Variants in MAST1 observed in about 807,000 individuals in gnomAD.
MAST1 encodes microtubule-associated serine/threonine-protein kinase 1.
Under a neutral mutation model 124.6 loss-of-function variants are expected in MAST1, and 40 were observed. That is an observed-to-expected ratio of 0.32 (90% CI 0.25 to 0.42). The LOEUF (loss-of-function observed/expected upper bound fraction) is 0.42, where lower values mean the gene tolerates loss of function less well. Ranked by LOEUF, MAST1 falls within the 10% of genes least tolerant of loss-of-function variation. The pLI, the probability that MAST1 is intolerant of heterozygous loss-of-function variation, is 1.00. For synonymous variants in MAST1, 938 were observed against 939.4 expected (o/e 1.00, Z 0.03); for missense variants, 1,558 against 2,181.9 (o/e 0.71, Z 5.70).
Position 12,843,472 on chromosome 19 carries a change from AG to A in MAST1, c.249-55del. On this transcript the variant is annotated intron_variant, in intron 3 of 25. Transcript: ENST00000251472. The surrounding 1 kb of genome is among the most constrained non-coding windows in gnomAD (Gnocchi z 4.9). ...GGCCAGTGGCTTCACCCACACCCTGAGGAGTTGGGGGACCGCTGGGGCCTTG... is the reference window on the plus strand; with the variant it reads ...GGCCAGTGGCTTCACCCACACCCTGAGAGTTGGGGGACCGCTGGGGCCTTG... The A allele has an allele frequency of 7.1e-7, 1 of 1,400,746 alleles. No homozygotes were observed. The highest frequency in any genetic ancestry group is 1.0e-6 in the Non-Finnish European group (1 of 993,138). 86.8% of individuals were successfully genotyped at this position (1,400,746 alleles called of 1,614,324 possible).
In MAST1 at chr19:12,873,747, A is replaced by C; in HGVS notation, c.3590A>C (p.Lys1197Thr). The change falls in exon 26 of 26, where the codon AAG becomes ACG. Residue 1197 changes from lysine (K) to threonine (T), a missense_variant. Physicochemically the swap from Lys to Thr is moderately conservative, Grantham distance 78 (BLOSUM62 -1). Transcript: ENST00000251472. ...CGCCAGTACCGCTCTGCGCGATGCAAGTCGGCCGGCAACATCCCTCTATCG... is the reference window on the plus strand; with the variant it reads ...CGCCAGTACCGCTCTGCGCGATGCACGTCGGCCGGCAACATCCCTCTATCG... ...LHRQYRSARC[K>T]SAGNIPLSPL... The C allele has an allele frequency of 6.2e-7, 1 of 1,601,920 alleles. No individual in the cohort carries two copies. The highest frequency in any genetic ancestry group is 8.5e-7 in the Non-Finnish European group (1 of 1,179,290).
In MAST1 at chr19:12,874,332, A is replaced by T; in HGVS notation, c.4175A>T (p.Gln1392Leu). ...CGGGACGTCGGCTGCACGCGGCATC[A>T]GAGCGTGCAGACGGAGGATGGCACT... ...LERDVGCTRH[Q>L]SVQTEDGTGG... The change falls in exon 26 of 26, where the codon CAG becomes CTG. Residue 1392 changes from glutamine to leucine, a missense_variant. This residue lies in a region of MAST1 where 263 missense variants were observed against 310.9 expected (regional missense o/e 0.85). Coordinates refer to ENST00000251472, the MANE Select transcript of MAST1 (RefSeq NM_014975.3). The surrounding 1 kb of genome is among the most constrained non-coding windows in gnomAD (Gnocchi z 6.6). The T allele has an allele frequency of 6.3e-7, 1 of 1,596,518 alleles. No individual in the cohort carries two copies.
At chr19:12,840,661 G>T in intron 2 of MAST1, 127 bp downstream of exon 2, 1 of 720,852 alleles carries the variant, frequency 1.4e-6, no homozygotes, top group Non-Finnish European at 2.5e-6. Flanking sequence ...TTTGGATAAG[G>T]GGCGGGGCCA....
At chr19:12,849,626 T>C (rs1297818355) in intron 7 of MAST1, among the ~76,000 whole-genome samples, 5 of 151,512 alleles carry the variant, frequency 3.3e-5, no homozygotes, top group African/African-American at 1.2e-4. Flanking sequence ...GTTGCGCCAC[T>C]GCACTCCAGC....
Position 12,871,044 on chromosome 19 carries a change from C to T in MAST1, c.3135C>T (p.Asn1045=). 1.2e-6 allele frequency: 2 copies of T among 1,614,188 alleles called. No homozygotes were observed. Among genetic ancestry groups the T allele is most frequent in the South Asian group, 1.1e-5 (1 of 91,088 alleles). Residue 1045 remains asparagine (N), a synonymous_variant, in exon 24 of 26, where the codon AAC becomes AAT. Transcript: ENST00000251472. ...EVVELILKSG[N]KVAVTTTPFE... ...CCGCATTCTTCCCCCAGAGTGGCAACAAGGTAGCAGTGACCACAACGCCCT... is the reference window on the plus strand; with the variant it reads ...CCGCATTCTTCCCCCAGAGTGGCAATAAGGTAGCAGTGACCACAACGCCCT...
In MAST1 at chr19:12,841,263, C is replaced by A. The variant is rs1020120449; in HGVS notation, c.248+197C>A. Among the ~76,000 whole-genome samples, 3 of 152,398 alleles carry A rather than the reference C, an allele frequency of 2.0e-5. No individual in the cohort carries two copies. Among genetic ancestry groups the A allele is most frequent in the Admixed American group, 2.0e-4 (3 of 15,314 alleles). ...AAGAAGGCGGGGTCCAATCGCCGATCTGGAACGGGGAAGGCGGTGGGGCTC... is the reference window on the plus strand; with the variant it reads ...AAGAAGGCGGGGTCCAATCGCCGATATGGAACGGGGAAGGCGGTGGGGCTC... On this transcript the variant is annotated intron_variant, in intron 3 of 25. Transcript: ENST00000251472. This position sits in a 1 kb window ranked among gnomAD's most constrained non-coding sequence, Gnocchi z 4.3.
Position 12,865,632 on chromosome 19 carries a change from A to T in MAST1, c.1805-85A>T. 1.4e-6 allele frequency: 2 copies of T among 1,441,644 alleles called. No homozygotes were observed. The highest frequency in any genetic ancestry group is 1.9e-6 in the Non-Finnish European group (2 of 1,046,198). The allele number at this position is 1,441,644 out of a possible 1,614,324, so 89.3% of individuals were successfully genotyped here. ...CAGTGAGCCATGATCGTGCCACTGCACTCCAGCTGGGTGACACAGTGAGAT... is the reference window on the plus strand; with the variant it reads ...CAGTGAGCCATGATCGTGCCACTGCTCTCCAGCTGGGTGACACAGTGAGAT... On this transcript the variant is annotated intron_variant, in intron 15 of 25. Transcript: ENST00000251472. This position sits in a 1 kb window ranked among gnomAD's most constrained non-coding sequence, Gnocchi z 7.1.
At chr19:12,860,341 C>G (rs1480626207) in intron 12 of MAST1, among the ~76,000 whole-genome samples, 1 of 151,848 alleles carries the variant, frequency 6.6e-6, no homozygotes, top group African/African-American at 2.4e-5. Context: ...TGGTCTCGAT[C>G]TCTTGACCTC....
intron 7 of MAST1, among the ~76,000 whole-genome samples, chr19:12,849,539 C>T (rs1188203346): frequency 6.6e-6 from 1 of 151,956 alleles, no homozygotes; most frequent in Non-Finnish European, 1.5e-5. Flanking sequence ...TGGCACGTGC[C>T]TGTAATCCCA....
intron 12 of MAST1, 74 bp downstream of exon 12, chr19:12,858,813 A>C: frequency 2.8e-6 from 4 of 1,435,336 alleles, no homozygotes; most frequent in Non-Finnish European, 3.9e-6. Context: ...GGCCTGCCTG[A>C]GCCGCAGTCT....
chr19:12,865,142 C>T lies in MAST1; in HGVS notation c.1602C>T (p.His534=), dbSNP rs777913244. 11 of 1,613,992 alleles carry T rather than the reference C, an allele frequency of 6.8e-6. No individual in the cohort carries two copies. In the South Asian group the frequency reaches 9.9e-5, roughly 14 times the overall value. The change falls in exon 14 of 26, where the codon CAC becomes CAT. Residue 534 remains histidine, a synonymous_variant. Transcript: ENST00000251472. This position sits in a 1 kb window ranked among gnomAD's most constrained non-coding sequence, Gnocchi z 7.1. ...MSLTTNLYEG[H]IEKDAREFLD... is the part of the protein sequence containing the mutation. Reference sequence around the variant, plus strand: ...TCACCACCAACTTATATGAAGGCCACATCGAGAAGGACGCCCGAGAGTTCC... The same window carrying T: ...TCACCACCAACTTATATGAAGGCCATATCGAGAAGGACGCCCGAGAGTTCC...
At position 12,865,265 on chromosome 19, in the gene MAST1, C is replaced by T. The variant is rs766816671; in HGVS notation, c.1639-51C>T. On this transcript the variant is annotated intron_variant, in intron 14 of 25. Transcript: ENST00000251472. This position sits in a 1 kb window ranked among gnomAD's most constrained non-coding sequence, Gnocchi z 7.1. ...AGGGCCTGGTGGGGGGCACAGCTCT[C>T]CCTTGAGGGCCCTCCTCTGGCTGGG... The T allele has an allele frequency of 6.3e-7, 1 of 1,580,200 alleles. No homozygotes were observed. The highest frequency in any genetic ancestry group is 8.6e-7 in the Non-Finnish European group (1 of 1,162,602).
In MAST1 at chr19:12,873,385, C is replaced by G; in HGVS notation, c.3325C>G (p.Arg1109Gly). 6.2e-7 allele frequency: 1 copy of G among 1,614,060 alleles called. No homozygotes were observed. Among genetic ancestry groups the G allele is most frequent in the East Asian group, 2.2e-5 (1 of 44,878 alleles). ...TKQSNLLHTSRSLSSLNRSLS... is the reference protein window; with the variant it reads ...TKQSNLLHTSGSLSSLNRSLS... The stretch of plus-strand genomic sequence containing the variant: ...GCAGTCGAACCTGCTGCATACTAGC[C>G]GCTCGCTGTCGTCGCTGAACCGCTC... Residue 1109 changes from arginine to glycine, a missense_variant, in exon 25 of 26, where the codon CGC becomes GGC. By Grantham distance (125) the Arg-to-Gly change is moderately radical. Coordinates refer to ENST00000251472, the MANE Select transcript of MAST1 (RefSeq NM_014975.3).
chr19:12,845,955 T>C (rs1166345351), intron 4 of MAST1, among the ~76,000 whole-genome samples: 1 of 149,630 alleles, frequency 6.7e-6, no homozygotes, highest in Non-Finnish European at 1.5e-5. Context: ...CACCGAGCCC[T>C]GCCCTCAGTC....
In MAST1 at chr19:12,866,663, C is replaced by T; in HGVS notation, c.2040C>T (p.Asp680=). ...ATACCCGCTCCCCAGCCCGCTCAGA[C>T]AGGTATCACCACGTGAACTCCTATG... The part of the protein sequence containing the change: ...DDTSYFDTRS[D]RYHHVNSYDE... The change falls in exon 18 of 26, where the codon GAC becomes GAT. Residue 680 remains aspartate, a synonymous_variant. Coordinates refer to ENST00000251472, the MANE Select transcript of MAST1 (RefSeq NM_014975.3). The surrounding 1 kb of genome is among the most constrained non-coding windows in gnomAD (Gnocchi z 5.2). 2 of 1,613,408 alleles carry T rather than the reference C, an allele frequency of 1.2e-6. No individual in the cohort carries two copies. The highest frequency in any genetic ancestry group is 1.7e-6 in the Non-Finnish European group (2 of 1,179,588).
At chr19:12,871,218 CT>C in intron 24 of MAST1, 46 bp downstream of exon 24, 1 of 1,611,228 alleles carries the variant, frequency 6.2e-7, no homozygotes, top group Admixed American at 1.7e-5. Flanking sequence ...GTGGGTGGAA[CT>C]TAGGCGGGAG....
chr19:12,861,942 C>G (rs1970088703), intron 12 of MAST1, among the ~76,000 whole-genome samples: 1 of 149,910 alleles, frequency 6.7e-6, no homozygotes, highest in Non-Finnish European at 1.5e-5. Flanking sequence ...ACCTCATGAT[C>G]TGTCTGCCTC....
At position 12,874,470 on chromosome 19, in the gene MAST1, T is replaced by C. The variant is rs1373178713; in HGVS notation, c.4313T>C (p.Val1438Ala). 3 of 1,585,158 alleles carry C rather than the reference T, an allele frequency of 1.9e-6. No homozygotes were observed. The Admixed American group carries it at 5.1e-5, about 27-fold the overall frequency. ...GGCACACCCCTGGTACCCATTGTCG[T>C]AGAGCCTGCGCGGCCCGGGGCTAAG... ...EAGTPLVPIV[V>A]EPARPGAKAV... The change falls in exon 26 of 26, where the codon GTA becomes GCA. Residue 1438 changes from valine to alanine, a missense_variant. Val to Ala is a moderately conservative substitution (Grantham distance 64). Around this residue, in one of 10 missense-constraint regions of MAST1, gnomAD observed 263 missense variants for 310.9 expected, o/e 0.85. Transcript: ENST00000251472. The surrounding 1 kb of genome is among the most constrained non-coding windows in gnomAD (Gnocchi z 6.6).
chr19:12,873,568 C>T (rs771902592), intron 25 of MAST1, 41 bp from the exon 26 acceptor site: 2 of 1,580,302 alleles, frequency 1.3e-6, no homozygotes, highest in South Asian at 2.3e-5. Flanking sequence ...CTGGCTGGTG[C>T]TTGGGCTGTA....
Sources: gnomAD v4.1 joint callset for allele counts (sites outside exome capture counted in the v4.1 genomes callset) on GRCh38, gnomAD v4.1.1 for gene constraint, gnomAD v4.1.1 regional missense constraint, Gnocchi (gnomAD v3.1) non-coding constraint, MANE v1.5 for transcripts, NCBI Gene and HGNC (gene_info 2026-07-23, HGNC 2026-07-21) for gene names.